NEK7: variants seen among roughly 807,000 people sequenced by gnomAD.
The protein encoded by NEK7 is serine/threonine-protein kinase Nek7.
NEK7 carries 18 observed loss-of-function variants against 44.6 expected under a neutral mutation model. That is an observed-to-expected ratio of 0.40 (90% confidence interval 0.28 to 0.60). NEK7 has a LOEUF of 0.60. NEK7 is among the 20% of genes least tolerant of loss of function. The pLI is 0.38. For missense variants in NEK7, 256 were observed against 366.5 expected, an observed-to-expected ratio of 0.70 and a Z score of 2.46; for synonymous variants, 130 against 121.1, an observed-to-expected ratio of 1.07 and a Z score of -0.48.
At chr1:198,239,913 T>C (rs960886942) in intron 2 of NEK7, among the ~76,000 whole-genome samples, 4 of 152,200 alleles carry the variant, frequency 2.6e-5, no homozygotes, top group Non-Finnish European at 5.9e-5. Context: ...CTGTTGCTCC[T>C]AGTCTACAAA....
chr1:198,171,111 A>T (rs1194300126), intron 1 of NEK7, among the ~76,000 whole-genome samples: 3 of 152,110 alleles, frequency 2.0e-5, no homozygotes, highest in Non-Finnish European at 2.9e-5. Flanking sequence ...ATATGAAGGA[A>T]TTAAGTTCAG....
chr1:198,211,624 G>C (rs1665772991), intron 1 of NEK7, among the ~76,000 whole-genome samples: 1 of 152,166 alleles, frequency 6.6e-6, no homozygotes, highest in East Asian at 1.9e-4. Context: ...AAAATAATAG[G>C]TTATTGAATT....
chr1:198,280,213 C>G (rs552094622), intron 7 of NEK7, among the ~76,000 whole-genome samples: 78 of 152,116 alleles, frequency 5.1e-4, no homozygotes, highest in African/African-American at 1.7e-3. Context: ...ACAGTACATG[C>G]AATACAAAGA....
Position 198,313,093 on chromosome 1 carries a change from T to G in NEK7, c.799-6319T>G, listed in dbSNP as rs1178931023. Among the ~76,000 whole-genome samples, 6 of 152,258 alleles carry G rather than the reference T, an allele frequency of 3.9e-5. No individual in the cohort carries two copies. In the East Asian group the frequency reaches 1.2e-3, roughly 29 times the overall value. On this transcript the variant is annotated intron_variant, in intron 9 of 9. Transcript: ENST00000367385. Reference sequence around the variant, plus strand: ...GAGTCTAAGTCTCTTTGTAGGTCACTCAGGAGTTGCTTTATGAATCTGGGT... The same window carrying G: ...GAGTCTAAGTCTCTTTGTAGGTCACGCAGGAGTTGCTTTATGAATCTGGGT...
intron 1 of NEK7, among the ~76,000 whole-genome samples, chr1:198,213,569 G>C (rs898019029): frequency 6.6e-6 from 1 of 152,172 alleles, no homozygotes; most frequent in Non-Finnish European, 1.5e-5. Context: ...GCTTGTATGA[G>C]AGATAGAGTC....
At chr1:198,212,767 G>A (rs541732691) in intron 1 of NEK7, among the ~76,000 whole-genome samples, 4 of 152,316 alleles carry the variant, frequency 2.6e-5, no homozygotes, top group African/African-American at 2.4e-5. Context: ...TCACCACTAC[G>A]GCTGATCCTC....
intron 1 of NEK7, among the ~76,000 whole-genome samples, chr1:198,190,360 T>G (rs951199857): frequency 1.3e-5 from 2 of 152,060 alleles, no homozygotes; most frequent in Non-Finnish European, 2.9e-5. Flanking sequence ...ACACAACAAG[T>G]AAACCAACCT....
chr1:198,199,811 A>T (rs1339622109), intron 1 of NEK7, among the ~76,000 whole-genome samples: 1 of 151,864 alleles, frequency 6.6e-6, no homozygotes, highest in Non-Finnish European at 1.5e-5. Context: ...AAATGTTTTT[A>T]TGTTCTGATA....
At chr1:198,262,673 A>G (rs2102947435) in intron 4 of NEK7, 36 bp downstream of exon 4, 3 of 1,278,782 alleles carry the variant, frequency 2.3e-6, no homozygotes, top group South Asian at 2.7e-5. Context: ...TGAACATAAC[A>G]TGGTGATAAA....
In NEK7 at chr1:198,238,282, G is replaced by A. The variant is rs372636683; in HGVS notation, c.57+5645G>A. On this transcript the variant is annotated intron_variant, in intron 2 of 9. Coordinates refer to ENST00000367385, the MANE Select transcript of NEK7 (RefSeq NM_133494.3). ...CCCACATACATAGGATCAGGAGGTCGGAACCACAAACTTCTCCATCCACAA... is the reference window on the plus strand; with the variant it reads ...CCCACATACATAGGATCAGGAGGTCAGAACCACAAACTTCTCCATCCACAA... 2.0e-5 allele frequency among the ~76,000 whole-genome samples: 3 copies of A among 152,132 alleles called. No homozygotes were observed. The South Asian group carries it at 6.2e-4, about 32-fold the overall frequency.
intron 1 of NEK7, among the ~76,000 whole-genome samples, chr1:198,181,429 G>A (rs1664764615): frequency 6.6e-6 from 1 of 152,048 alleles, no homozygotes; most frequent in Non-Finnish European, 1.5e-5. Context: ...AGCATGACTT[G>A]ATTATTTATT....
chr1:198,265,158 A>G (rs1224553332), intron 5 of NEK7, among the ~76,000 whole-genome samples: 1 of 152,066 alleles, frequency 6.6e-6, no homozygotes, highest in Non-Finnish European at 1.5e-5. Flanking sequence ...CTTAAAGCAC[A>G]TTCCTGAGTG....
intron 3 of NEK7, among the ~76,000 whole-genome samples, chr1:198,257,004 T>C (rs192059460): frequency 1.2e-4 from 18 of 152,332 alleles, no homozygotes; most frequent in Non-Finnish European, 2.2e-4. Flanking sequence ...TGTTTCTTAG[T>C]TCTTTGACCA....
intron 2 of NEK7, among the ~76,000 whole-genome samples, chr1:198,237,082 T>G (rs920260557): frequency 6.6e-6 from 1 of 152,056 alleles, no homozygotes; most frequent in Non-Finnish European, 1.5e-5. Context: ...TTTGATAGAG[T>G]TGATTATGCT....
At chr1:198,289,180 T>C (rs1654471458) in intron 7 of NEK7, among the ~76,000 whole-genome samples, 2 of 151,452 alleles carry the variant, frequency 1.3e-5, no homozygotes, top group African/African-American at 4.8e-5. Context: ...TATATCGAAC[T>C]GAGGTGTAAG....
chr1:198,177,200 CA>C (rs1664627355), intron 1 of NEK7, among the ~76,000 whole-genome samples: 1 of 152,104 alleles, frequency 6.6e-6, no homozygotes, highest in South Asian at 2.1e-4. Flanking sequence ...TGATTTACTT[CA>C]AGCAAGTACT....
intron 1 of NEK7, chr1:198,197,704 G>T: frequency 2.0e-6 from 1 of 489,396 alleles, no homozygotes. Context: ...ACTTTCCCCT[G>T]GTACAATATG....
chr1:198,227,149 G>C (rs921057714), intron 1 of NEK7, among the ~76,000 whole-genome samples: 8 of 152,080 alleles, frequency 5.3e-5, no homozygotes, highest in African/African-American at 1.4e-4. Context: ...ATAGTTTGCT[G>C]AGAATGATGG....
rs954529837 is a variant in NEK7 at position 198,319,324 on chromosome 1, TC to T, written c.799-87del. 64 of 755,330 alleles carry T rather than the reference TC, an allele frequency of 8.5e-5. No homozygotes were observed. In the African/African-American group the frequency reaches 1.0e-3, roughly 12 times the overall value. The allele number at this position is 755,330 out of a possible 1,614,324, so 46.8% of individuals were successfully genotyped here. A position where few individuals can be genotyped will look rare whatever the true frequency, so the allele number is the denominator to read the frequency against. On this transcript the variant is annotated intron_variant, in intron 9 of 9. Transcript: ENST00000367385. ...CAGAAAATGTACTTTCCTTGTAAAA[TC>T]TATAGCTATTCATAATTTCTTCCTC...
Sources: allele counts gnomAD v4.1 joint callset (sites outside exome capture counted in the v4.1 genomes callset), GRCh38; gene constraint gnomAD v4.1.1; transcripts MANE v1.5; gene names NCBI Gene and HGNC (gene_info 2026-07-23, HGNC 2026-07-21).